Variants in ITCH observed in about 807,000 individuals in gnomAD.
The protein encoded by ITCH is itchy E3 ubiquitin protein ligase, also known as E3 ubiquitin-protein ligase Itchy homolog.
A neutral mutation model predicts 126.8 loss-of-function variants in ITCH; 28 were observed. That is an observed-to-expected ratio of 0.22 (90% CI 0.16 to 0.30). ITCH has a LOEUF of 0.30. Among genes scored for constraint, ITCH ranks in the 10% least tolerant of loss-of-function variants. The pLI is 1.00. For synonymous variants in ITCH, 342 were observed against 340.0 expected, an observed-to-expected ratio of 1.01 and a Z score of -0.06; for missense variants, 631 against 1,032.4, an observed-to-expected ratio of 0.61 and a Z score of 5.33.
chr20:34,452,190 T>G (rs900265650), intron 12 of ITCH, among the ~76,000 whole-genome samples: 16 of 152,174 alleles, frequency 1.1e-4, no homozygotes, highest in African/African-American at 3.6e-4. Context: ...GCCTCTTGCT[T>G]ATAGAAAGCT....
At chr20:34,424,438 C>G (rs1187198214) in intron 6 of ITCH, 42 bp from the exon 7 acceptor site, 1 of 1,511,630 alleles carries the variant, frequency 6.6e-7, no homozygotes, top group South Asian at 1.1e-5. Context: ...ATGAAAACTA[C>G]TCTCTTGAAA....
chr20:34,378,495 G>A (rs1005741254), intron 2 of ITCH, among the ~76,000 whole-genome samples: 222 of 86,396 alleles, frequency 2.6e-3, no homozygotes, highest in South Asian at 4.5e-3. Context: ...AAAAAAAAAA[G>A]ATGTAAAAAA....
At chr20:34,475,648 A>G (rs1988135442) in intron 16 of ITCH, among the ~76,000 whole-genome samples, 2 of 150,360 alleles carry the variant, frequency 1.3e-5, no homozygotes, top group African/African-American at 4.9e-5. Flanking sequence ...GACCGTGGAA[A>G]GAGAGGGAGA....
intron 23 of ITCH, among the ~76,000 whole-genome samples, chr20:34,497,141 C>T (rs1989941475): frequency 6.6e-6 from 1 of 151,916 alleles, no homozygotes; most frequent in Non-Finnish European, 1.5e-5. Context: ...GGATTGCAGG[C>T]ACGCACCACC....
intron 3 of ITCH, among the ~76,000 whole-genome samples, chr20:34,398,908 C>G (rs546633899): frequency 6.6e-6 from 1 of 152,016 alleles, no homozygotes; most frequent in African/African-American, 2.4e-5. Flanking sequence ...GAATCAAATG[C>G]CCTTCATAAT....
At chr20:34,425,671 G>A (rs1262544020) in intron 7 of ITCH, among the ~76,000 whole-genome samples, 1 of 152,178 alleles carries the variant, frequency 6.6e-6, no homozygotes, top group Non-Finnish European at 1.5e-5. Flanking sequence ...TAGCCTCTGT[G>A]CACATCCAGA....
At chr20:34,365,670 C>T (rs925330496) in intron 1 of ITCH, among the ~76,000 whole-genome samples, 5 of 152,202 alleles carry the variant, frequency 3.3e-5, no homozygotes, top group Non-Finnish European at 7.3e-5. Flanking sequence ...CTGCCTTGGC[C>T]TCCCAAAGTG....
chr20:34,389,997 T>G (rs2038425732), intron 2 of ITCH, among the ~76,000 whole-genome samples: 1 of 152,004 alleles, frequency 6.6e-6, no homozygotes, highest in South Asian at 2.1e-4. Flanking sequence ...TGTGGGTGCC[T>G]GTAGTCCCAG....
chr20:34,456,709 A>AAT (rs896413581), intron 12 of ITCH, among the ~76,000 whole-genome samples: 2 of 149,006 alleles, frequency 1.3e-5, no homozygotes, highest in African/African-American at 4.9e-5. Flanking sequence ...ATATATATCA[A>AAT]ATATATATAT....
chr20:34,377,226 T>C (rs117383878), intron 2 of ITCH, among the ~76,000 whole-genome samples: 3,385 of 152,082 alleles, frequency 0.022, 55 homozygotes, highest in Middle Eastern at 0.041. Flanking sequence ...TATAAAAAAT[T>C]AGCCGGGTGT....
chr20:34,461,019 T>C (rs777832741), intron 13 of ITCH, among the ~76,000 whole-genome samples: 1 of 152,140 alleles, frequency 6.6e-6, no homozygotes, highest in Non-Finnish European at 1.5e-5. Context: ...AGATTCTTTC[T>C]CTTAAAAGAA....
intron 3 of ITCH, among the ~76,000 whole-genome samples, chr20:34,395,565 C>T (rs139363354): frequency 1.1e-4 from 17 of 152,240 alleles, no homozygotes; most frequent in Non-Finnish European, 2.5e-4. Context: ...AAAATAATTT[C>T]GTCCTTCCAA....
intron 2 of ITCH, among the ~76,000 whole-genome samples, chr20:34,378,260 C>T (rs1478921218): frequency 1.3e-5 from 2 of 151,882 alleles, no homozygotes; most frequent in African/African-American, 4.8e-5. Context: ...CACCTGAGGT[C>T]AGGAGTTCGA....
intron 20 of ITCH, among the ~76,000 whole-genome samples, chr20:34,481,877 G>A (rs1988779732): frequency 6.6e-6 from 1 of 152,166 alleles, no homozygotes; most frequent in Non-Finnish European, 1.5e-5. Flanking sequence ...TGGGTGTGGT[G>A]GCATGTGCCT....
intron 20 of ITCH, among the ~76,000 whole-genome samples, chr20:34,483,343 G>C (rs917207561): frequency 6.6e-6 from 1 of 152,126 alleles, no homozygotes; most frequent in African/African-American, 2.4e-5. Context: ...AAACTTTTAT[G>C]CTCTGCTTCC....
At chr20:34,506,842 C>G (rs756918587) in intron 24 of ITCH, among the ~76,000 whole-genome samples, 20 of 152,192 alleles carry the variant, frequency 1.3e-4, no homozygotes, top group Non-Finnish European at 2.8e-4. Flanking sequence ...TCCTGGCTGG[C>G]TTATTTCACT....
At chr20:34,494,630 G>A (rs1989734559) in intron 23 of ITCH, among the ~76,000 whole-genome samples, 4 of 152,128 alleles carry the variant, frequency 2.6e-5, no homozygotes, top group Admixed American at 2.0e-4. Context: ...AATTCTTTGT[G>A]TTGGGAACAT....
intron 6 of ITCH, among the ~76,000 whole-genome samples, chr20:34,419,790 GACTAC>G (rs1980512610): frequency 6.6e-6 from 1 of 151,978 alleles, no homozygotes; most frequent in Non-Finnish European, 1.5e-5. Context: ...GAGTAGCTGG[GACTAC>G]AGGCCTTTTA....
At chr20:34,507,092 A>G (rs1990662772) in intron 24 of ITCH, among the ~76,000 whole-genome samples, 1 of 152,072 alleles carries the variant, frequency 6.6e-6, no homozygotes, top group South Asian at 2.1e-4. Flanking sequence ...TTGGGTATAT[A>G]CCCAGAGGTG....
Sources: gnomAD v4.1 joint callset for allele counts (sites outside exome capture counted in the v4.1 genomes callset) on GRCh38, gnomAD v4.1.1 for gene constraint, MANE v1.5 for transcripts, NCBI Gene and HGNC (gene_info 2026-07-23, HGNC 2026-07-21) for gene names.